Variants in YBX3 observed in about 807,000 individuals in gnomAD.
YBX3 encodes the protein Y-box binding protein 3.
YBX3 carries 29 observed loss-of-function variants against 42.4 expected under a neutral mutation model. That is an observed-to-expected ratio of 0.68 (90% CI 0.51 to 0.93). The LOEUF (loss-of-function observed/expected upper bound fraction) is 0.93, where lower values mean the gene tolerates loss of function less well. YBX3 is among the 40% of genes least tolerant of loss of function. The pLI, the probability that YBX3 is intolerant of heterozygous loss-of-function variation, is 0.00. For synonymous variants in YBX3, 195 were observed against 189.8 expected (o/e 1.03, Z -0.22); for missense variants, 517 against 527.5 (o/e 0.98, Z 0.19).
intron 9 of YBX3, among the ~76,000 whole-genome samples, chr12:10,700,810 T>C (rs1948069962): frequency 6.6e-6 from 1 of 151,910 alleles, no homozygotes; most frequent in South Asian, 2.1e-4. Context: ...TTATACACTA[T>C]GCTGCACCGC....
chr12:10,722,698 AGACCCCTGGG>A, intron 1 of YBX3, 142 bp downstream of exon 1: 1 of 681,838 alleles, frequency 1.5e-6, no homozygotes. Context: ...GGGGACCCGG[AGACCCCTGGG>A]GACCCGGAGA....
rs1245084295 is a variant in YBX3 at position 10,714,798 on chromosome 12, C to T, written c.450+896G>A. ...TTTAAAAAACGGAATCTTGCTCTGT[C>T]CCCCAGGCTGGAGTGCAATGTCTCA... On this transcript the variant is annotated intron_variant, in intron 4 of 9. Coordinates refer to ENST00000228251, the MANE Select transcript of YBX3 (RefSeq NM_003651.5). 3.3e-5 allele frequency among the ~76,000 whole-genome samples: 5 copies of T among 151,680 alleles called. No homozygotes were observed. The East Asian group carries it at 9.7e-4, about 30-fold the overall frequency.
chr12:10,715,125 G>T (rs970040073), intron 4 of YBX3, among the ~76,000 whole-genome samples: 1 of 151,986 alleles, frequency 6.6e-6, no homozygotes, highest in African/African-American at 2.4e-5. Flanking sequence ...CATACCTTTG[G>T]TATAAAAATA....
In YBX3 at chr12:10,723,064, C is replaced by G; in HGVS notation, c.48G>C (p.Pro16=). 1.7e-6 allele frequency: 2 copies of G among 1,206,870 alleles called. No homozygotes were observed. Among genetic ancestry groups the G allele is most frequent in the Non-Finnish European group, 2.1e-6 (2 of 973,960 alleles). 74.8% of individuals were successfully genotyped at this position (1,206,870 alleles called of 1,614,324 possible). A position where few individuals can be genotyped will look rare whatever the true frequency, so the allele number is the denominator to read the frequency against. The change falls in exon 1 of 10, where the codon CCG becomes CCC. Residue 16 remains proline, a synonymous_variant. Coordinates refer to ENST00000228251, the MANE Select transcript of YBX3 (RefSeq NM_003651.5). The part of the protein sequence containing the change: ...EATTTTTTTL[P]QAPTEAAAAA... ...CGGCGGCCGCCTCCGTCGGAGCCTG[C>G]GGGAGGGTGGTGGTGGTGGTGGTGG... is the stretch of plus-strand genomic sequence containing the variant.
At chr12:10,708,276 T>C (rs1012399694) in intron 6 of YBX3, among the ~76,000 whole-genome samples, 17 of 152,214 alleles carry the variant, frequency 1.1e-4, no homozygotes, top group African/African-American at 3.9e-4. Flanking sequence ...CTATATTATG[T>C]CCTTAGTGCA....
chr12:10,719,073 C>T lies in YBX3; in HGVS notation c.326+7G>A, dbSNP rs753711239. 8.1e-6 allele frequency: 13 copies of T among 1,612,164 alleles called. No homozygotes were observed. The highest frequency in any genetic ancestry group is 1.6e-4 in the Middle Eastern group (1 of 6,080). On this transcript the variant is annotated splice_region_variant and intron_variant, in intron 2 of 9. Transcript: ENST00000228251. ...CTTAAAACATGCAAATATACACACA[C>T]ACATACCGATTTATAAATCCATATC...
At chr12:10,718,902 C>A (rs925972827) in intron 2 of YBX3, among the ~76,000 whole-genome samples, 178 bp downstream of exon 2, 5 of 152,082 alleles carry the variant, frequency 3.3e-5, no homozygotes, top group Non-Finnish European at 1.5e-5. Context: ...TTATTAGTGT[C>A]CTGGAAATGT....
intron 7 of YBX3, 21 bp from the exon 8 acceptor site, chr12:10,702,155 A>T (rs759650842): frequency 6.2e-7 from 1 of 1,603,894 alleles, no homozygotes; most frequent in South Asian, 1.1e-5. Flanking sequence ...CACAGAAGAA[A>T]ATAGAACAGG....
chr12:10,701,858 G>C, intron 8 of YBX3, 102 bp downstream of exon 8: 5 of 1,339,168 alleles, frequency 3.7e-6, no homozygotes, highest in Non-Finnish European at 5.1e-6. Context: ...TTTTATATTT[G>C]TTAAGTGTCA....
intron 1 of YBX3, among the ~76,000 whole-genome samples, chr12:10,719,787 G>A (rs892949087): frequency 6.6e-6 from 1 of 152,106 alleles, no homozygotes; most frequent in Non-Finnish European, 1.5e-5. Flanking sequence ...TGTTTACCTT[G>A]CTCTCTACAG....
chr12:10,703,620 C>A, intron 7 of YBX3: 1 of 423,182 alleles, frequency 2.4e-6, no homozygotes, highest in Non-Finnish European at 4.7e-6. Flanking sequence ...ATCTAATGAA[C>A]TGTAGAGTAG....
intron 6 of YBX3, among the ~76,000 whole-genome samples, chr12:10,704,859 ACTATGTTTTCACCTTTT>A (rs1444042471): frequency 6.6e-6 from 1 of 152,168 alleles, no homozygotes; most frequent in African/African-American, 2.4e-5. Flanking sequence ...CTATCCCTTC[ACTATGTTTTCACCTTTT>A]CTATCATTTC....
intron 5 of YBX3, 70 bp from the exon 6 acceptor site, chr12:10,710,184 G>A: frequency 6.4e-7 from 1 of 1,556,418 alleles, no homozygotes; most frequent in Non-Finnish European, 8.7e-7. Context: ...CACCATTTAG[G>A]ATGAATATCA....
chr12:10,702,223 A>C (rs1025109651), intron 7 of YBX3, 89 bp from the exon 8 acceptor site: 1 of 1,365,644 alleles, frequency 7.3e-7, no homozygotes, highest in Non-Finnish European at 9.7e-7. Flanking sequence ...TAAAAATTAA[A>C]AAGTCAAGTG....
Position 10,723,143 on chromosome 12 carries a change from C to T in YBX3, c.-32G>A. The stretch of plus-strand genomic sequence containing the variant: ...TCCTCCTCTGCTCTCGCTCAGGCGC[C>T]TCGGTGGCGGTTGGTCGGCGGTTAG... On this transcript the variant is annotated 5_prime_UTR_variant, in exon 1 of 10. Coordinates refer to ENST00000228251, the MANE Select transcript of YBX3 (RefSeq NM_003651.5). The T allele has an allele frequency of 2.5e-6, 3 of 1,193,254 alleles. No individual in the cohort carries two copies. Among genetic ancestry groups the T allele is most frequent in the Non-Finnish European group, 3.1e-6 (3 of 963,198 alleles). The allele number at this position is 1,193,254 out of a possible 1,614,324, so 73.9% of individuals were successfully genotyped here. A position where few individuals can be genotyped will look rare whatever the true frequency, so the allele number is the denominator to read the frequency against.
chr12:10,720,728 C>A (rs1181387511), intron 1 of YBX3: 1 of 152,004 alleles, frequency 6.6e-6, no homozygotes, highest in Non-Finnish European at 1.5e-5. Flanking sequence ...AAGGAATAAT[C>A]TTGATTAAAA....
intron 6 of YBX3, among the ~76,000 whole-genome samples, chr12:10,708,716 T>C (rs1006690101): frequency 6.6e-6 from 1 of 152,262 alleles, no homozygotes; most frequent in Admixed American, 6.5e-5. Flanking sequence ...GATCAGCTTC[T>C]GCATATGATG....
chr12:10,707,668 C>T (rs184861686), intron 6 of YBX3, among the ~76,000 whole-genome samples: 4 of 152,304 alleles, frequency 2.6e-5, no homozygotes, highest in African/African-American at 4.8e-5. Flanking sequence ...GTTGAGATCC[C>T]TTTACTGGCT....
At chr12:10,711,631 A>T (rs1047638110) in intron 5 of YBX3, 4 of 152,242 alleles carry the variant, frequency 2.6e-5, no homozygotes, top group Admixed American at 1.3e-4. Flanking sequence ...AAGCATAATA[A>T]TGGCACCAGC....
Sources: gnomAD v4.1 joint callset for allele counts (sites outside exome capture counted in the v4.1 genomes callset) on GRCh38, gnomAD v4.1.1 for gene constraint, MANE v1.5 for transcripts, NCBI Gene and HGNC (gene_info 2026-07-23, HGNC 2026-07-21) for gene names.